Variants in LMOD1 observed in about 807,000 individuals in gnomAD.
LMOD1 encodes leiomodin 1.
In LMOD1, 8 loss-of-function variants were observed where a neutral mutation model predicts 36.5. The ratio of observed to expected loss-of-function variants is 0.22; its 90% CI spans 0.13 to 0.40. LMOD1 has a LOEUF of 0.40. LMOD1 is among the 10% of genes least tolerant of loss of function. The pLI, the probability that LMOD1 is intolerant of heterozygous loss-of-function variation, is 1.00. For missense variants in LMOD1, 630 were observed against 751.1 expected, an observed-to-expected ratio of 0.84 and a Z score of 1.88; for synonymous variants, 284 against 288.7, an observed-to-expected ratio of 0.98 and a Z score of 0.17.
At position 201,921,892 on chromosome 1, in the gene LMOD1, A is replaced by G. The variant is rs374769702; in HGVS notation, c.262-21141T>C. On this transcript the variant is annotated intron_variant, in intron 1 of 2. Coordinates refer to ENST00000367288, the MANE Select transcript of LMOD1 (RefSeq NM_012134.3). ...GGAGAATGGCGTGAACCCGGGAGGCAGAGCTTGCAGTGAGCTGAGATCATG... is the reference window on the plus strand; with the variant it reads ...GGAGAATGGCGTGAACCCGGGAGGCGGAGCTTGCAGTGAGCTGAGATCATG... 4.0e-4 allele frequency among the ~76,000 whole-genome samples: 61 copies of G among 150,922 alleles called. 2 individuals are homozygous for G. In the East Asian group the frequency reaches 8.7e-3, roughly 22 times the overall value.
intron 1 of LMOD1, among the ~76,000 whole-genome samples, chr1:201,909,755 G>A (rs1288930169): frequency 5.3e-5 from 8 of 152,174 alleles, no homozygotes; most frequent in African/African-American, 7.2e-5. Context: ...CTCTCATCCA[G>A]TTATGCACTC....
chr1:201,932,430 A>C (rs1681939780), intron 1 of LMOD1, among the ~76,000 whole-genome samples: 2 of 151,940 alleles, frequency 1.3e-5, no homozygotes, highest in African/African-American at 4.8e-5. Flanking sequence ...GTTATACAGC[A>C]TCTAGTTGCT....
At chr1:201,904,253 C>T (rs1681376437) in intron 1 of LMOD1, among the ~76,000 whole-genome samples, 1 of 152,104 alleles carries the variant, frequency 6.6e-6, no homozygotes. Flanking sequence ...TGTTGTTGCC[C>T]AGGCTGGAGT....
intron 1 of LMOD1, among the ~76,000 whole-genome samples, chr1:201,916,933 G>T (rs984444804): frequency 2.0e-5 from 3 of 152,152 alleles, no homozygotes; most frequent in Admixed American, 1.3e-4. Context: ...GTGGCGCAAT[G>T]GCAGCCAAGA....
intron 1 of LMOD1, among the ~76,000 whole-genome samples, chr1:201,908,133 G>C (rs114004721): frequency 0.015 from 2,256 of 152,282 alleles, 48 homozygotes; most frequent in African/African-American, 0.049. Context: ...TTCAACTCCT[G>C]TTCTGGCAGT....
chr1:201,921,001 TTAA>T (rs1481759799), intron 1 of LMOD1, among the ~76,000 whole-genome samples: 1 of 152,094 alleles, frequency 6.6e-6, no homozygotes, highest in Non-Finnish European at 1.5e-5. Flanking sequence ...TAGGGTACAG[TTAA>T]TAAGATTCAG....
chr1:201,919,495 C>T (rs752781439), intron 1 of LMOD1, among the ~76,000 whole-genome samples: 5 of 152,044 alleles, frequency 3.3e-5, no homozygotes, highest in African/African-American at 4.8e-5. Flanking sequence ...TGAGCCACCA[C>T]GCCTGGCCCC....
chr1:201,901,675 CACATATATATATGTGTAT>C (rs1681327861), intron 1 of LMOD1, among the ~76,000 whole-genome samples: 2 of 85,868 alleles, frequency 2.3e-5, no homozygotes, highest in Non-Finnish European at 4.6e-5. Flanking sequence ...TATATATATA[CACATATATATATGTGTAT>C]ATATATATAT....
chr1:201,929,457 A>G (rs1681882620), intron 1 of LMOD1, among the ~76,000 whole-genome samples: 1 of 152,214 alleles, frequency 6.6e-6, no homozygotes, highest in African/African-American at 2.4e-5. Flanking sequence ...AAATGAAGAA[A>G]AAGTGGAACA....
At chr1:201,937,300 A>G (rs1014584265) in intron 1 of LMOD1, among the ~76,000 whole-genome samples, 1 of 151,780 alleles carries the variant, frequency 6.6e-6, no homozygotes, top group Non-Finnish European at 1.5e-5. Flanking sequence ...TTTAAAAATT[A>G]TCTGGGCGCG....
Position 201,898,225 on chromosome 1 carries a change from G to T in LMOD1, c.*147C>A. ...GAAGAGATAAGGCATCCTTCCTTGA[G>T]CGTGACCCAGGCCTGGACTCTCCCA... On this transcript the variant is annotated 3_prime_UTR_variant, in exon 3 of 3. Transcript: ENST00000367288. 1 of 771,496 alleles carries T rather than the reference G, an allele frequency of 1.3e-6. No homozygotes were observed. The highest frequency in any genetic ancestry group is 2.2e-6 in the Non-Finnish European group (1 of 452,170). 47.8% of individuals were successfully genotyped at this position (771,496 alleles called of 1,614,324 possible). A position where few individuals can be genotyped will look rare whatever the true frequency, so the allele number is the denominator to read the frequency against.
chr1:201,940,834 C>T (rs796393085), intron 1 of LMOD1, among the ~76,000 whole-genome samples: 30 of 151,796 alleles, frequency 2.0e-4, no homozygotes, highest in African/African-American at 7.0e-4. Context: ...CCGTAACCTC[C>T]GCCTCCCGGG....
chr1:201,910,111 C>T (rs934653676), intron 1 of LMOD1, among the ~76,000 whole-genome samples: 6 of 152,192 alleles, frequency 3.9e-5, no homozygotes, highest in African/African-American at 1.4e-4. Flanking sequence ...ATTGACTCCT[C>T]AGCACTGCCA....
chr1:201,910,744 C>CTTTTTTTTTTTTTTT lies in LMOD1; in HGVS notation c.262-10008_262-9994dup, dbSNP rs58506647. ...TTCCCCTTTTGCAGATGGTGTCATT[C>CTTTTTTTTTTTTTTT]TTTTTTTTTTTTTTTTTTTTTTTTT... On this transcript the variant is annotated intron_variant, in intron 1 of 2. Transcript: ENST00000367288. Among the ~76,000 whole-genome samples the CTTTTTTTTTTTTTTT allele has an allele frequency of 2.2e-4, 11 of 49,068 alleles. 4 individuals carry two copies. The highest frequency in any genetic ancestry group is 3.5e-4 in the Admixed American group (1 of 2,820). 32.2% of individuals were successfully genotyped at this position (49,068 alleles called of 152,430 possible).
chr1:201,927,770 A>G (rs1681854038), intron 1 of LMOD1, among the ~76,000 whole-genome samples: 1 of 152,190 alleles, frequency 6.6e-6, no homozygotes, highest in Non-Finnish European at 1.5e-5. Flanking sequence ...CTGGAATTTC[A>G]GAAGACAATT....
At chr1:201,915,519 G>T (rs4309038) in intron 1 of LMOD1, among the ~76,000 whole-genome samples, 2 of 151,736 alleles carry the variant, frequency 1.3e-5, no homozygotes, top group Non-Finnish European at 2.9e-5. Context: ...CTGGGCAAGT[G>T]GCTCCTCTAA....
chr1:201,913,187 G>A (rs770859268), intron 1 of LMOD1, among the ~76,000 whole-genome samples: 1 of 152,146 alleles, frequency 6.6e-6, no homozygotes, highest in Non-Finnish European at 1.5e-5. Context: ...CTGAGCAGCT[G>A]GAAAGAAGTT....
Position 201,938,287 on chromosome 1 carries a change from G to A in LMOD1, c.261+7793C>T, listed in dbSNP as rs529820124. 2.8e-4 allele frequency among the ~76,000 whole-genome samples: 42 copies of A among 152,132 alleles called. 1 individual carries two copies. The South Asian group carries it at 8.7e-3, about 32-fold the overall frequency. On this transcript the variant is annotated intron_variant, in intron 1 of 2. Coordinates refer to ENST00000367288, the MANE Select transcript of LMOD1 (RefSeq NM_012134.3). ...TGGGATTACAGGCACGTGCCACCAC[G>A]CCCGGCTAATTTTGTATTTTTAGTA...
In LMOD1 at chr1:201,946,506, TCAC is replaced by T; in HGVS notation, c.-169_-167del. 1 of 701,720 alleles carries T rather than the reference TCAC, an allele frequency of 1.4e-6. No individual in the cohort carries two copies. Among genetic ancestry groups the T allele is most frequent in the South Asian group, 1.9e-5 (1 of 51,636 alleles). The allele number at this position is 701,720 out of a possible 1,614,324, so 43.5% of individuals were successfully genotyped here. On this transcript the variant is annotated 5_prime_UTR_variant, in exon 1 of 3. Coordinates refer to ENST00000367288, the MANE Select transcript of LMOD1 (RefSeq NM_012134.3). ...TTCTGTGCTACAGGTGCTGAAGTGT[TCAC>T]TGGACGCAGCAGCCTCCCTGAAGCC...
Sources: allele counts gnomAD v4.1 joint callset (sites outside exome capture counted in the v4.1 genomes callset), GRCh38; gene constraint gnomAD v4.1.1; transcripts MANE v1.5; gene names NCBI Gene and HGNC (gene_info 2026-07-23, HGNC 2026-07-21).